CFAP95: variants seen among roughly 807,000 people sequenced by gnomAD.
CFAP95 encodes cilia and flagella associated protein 95.
the CFAP95 span, among the ~76,000 whole-genome samples, chr9:69,854,818 C>T: frequency 6.6e-6 from 1 of 152,200 alleles, no homozygotes; most frequent in South Asian, 2.1e-4. Flanking sequence ...GGCTGGGTTT[C>T]TGTTATGAAA....
chr9:69,858,578 T>G, the CFAP95 span, among the ~76,000 whole-genome samples: 1 of 152,148 alleles, frequency 6.6e-6, no homozygotes, highest in Non-Finnish European at 1.5e-5. Flanking sequence ...TGAGTTGCAG[T>G]GTTGTTGGTC....
At chr9:69,867,192 G>A in the CFAP95 span, among the ~76,000 whole-genome samples, 5 of 152,116 alleles carry the variant, frequency 3.3e-5, no homozygotes, top group Admixed American at 6.6e-5. Context: ...TTTTAATGGC[G>A]GGTAACAATA....
the CFAP95 span, among the ~76,000 whole-genome samples, chr9:69,855,624 A>G: frequency 1.3e-5 from 2 of 152,160 alleles, no homozygotes; most frequent in Admixed American, 1.3e-4. Flanking sequence ...CAGTGCTCTG[A>G]GAAGCCAAGG....
chr9:69,843,624 CT>C, the CFAP95 span, among the ~76,000 whole-genome samples: 1 of 63,308 alleles, frequency 1.6e-5, no homozygotes, highest in African/African-American at 9.3e-5. Flanking sequence ...TCTTCTTCTT[CT>C]TCTTCCTCCT....
the CFAP95 span, among the ~76,000 whole-genome samples, chr9:69,887,391 G>A: frequency 6.6e-6 from 1 of 152,278 alleles, no homozygotes; most frequent in South Asian, 2.1e-4. Context: ...CAGTAGACAT[G>A]AGATAGAAAT....
the CFAP95 span, among the ~76,000 whole-genome samples, chr9:69,869,611 G>A: frequency 5.3e-5 from 8 of 151,874 alleles, no homozygotes; most frequent in South Asian, 1.2e-3. Context: ...TGTTCTTATC[G>A]CAAAAAAGGT....
the CFAP95 span, among the ~76,000 whole-genome samples, chr9:69,901,999 G>T: frequency 6.6e-6 from 1 of 152,100 alleles, no homozygotes; most frequent in African/African-American, 2.4e-5. Flanking sequence ...TTTGAGAAGT[G>T]TCTGTTCATA....
At chr9:69,843,557 CCTTCTTCTT>C in the CFAP95 span, among the ~76,000 whole-genome samples, 114 of 14,696 alleles carry the variant, frequency 7.8e-3, 4 homozygotes, top group East Asian at 0.018. Context: ...TCCTCCTCCT[CCTTCTTCTT>C]CTTCTTCTTC....
chr9:69,893,149 C>T, the CFAP95 span, among the ~76,000 whole-genome samples: 1 of 152,148 alleles, frequency 6.6e-6, no homozygotes, highest in South Asian at 2.1e-4. Context: ...CATGGGCAAC[C>T]CCTAGGCGCT....
At chr9:69,868,605 C>T in the CFAP95 span, among the ~76,000 whole-genome samples, 445 of 148,266 alleles carry the variant, frequency 3.0e-3, no homozygotes, top group Non-Finnish European at 5.3e-3. Context: ...TTGCAGTGAG[C>T]TGAGATCATG....
the CFAP95 span, among the ~76,000 whole-genome samples, chr9:69,855,093 A>G: frequency 3.9e-5 from 6 of 152,206 alleles, no homozygotes; most frequent in African/African-American, 1.4e-4. Flanking sequence ...ACCATGATTA[A>G]TATTAATACA....
At chr9:69,824,885 T>C in the CFAP95 span, among the ~76,000 whole-genome samples, 1 of 152,220 alleles carries the variant, frequency 6.6e-6, no homozygotes, top group Non-Finnish European at 1.5e-5. Flanking sequence ...GGCAAGTTTA[T>C]AGAATATAAA....
At chr9:69,876,784 G>A in the CFAP95 span, among the ~76,000 whole-genome samples, 22 of 152,000 alleles carry the variant, frequency 1.4e-4, no homozygotes, top group South Asian at 1.0e-3. Context: ...ACAGGCACCC[G>A]CCAGCACGCC....
the CFAP95 span, among the ~76,000 whole-genome samples, chr9:69,843,764 C>T: frequency 3.9e-4 from 59 of 150,656 alleles, no homozygotes; most frequent in Middle Eastern, 3.4e-3. Flanking sequence ...GCCCAGCCTC[C>T]CGTGTAGCTG....
At chr9:69,882,874 A>G in the CFAP95 span, among the ~76,000 whole-genome samples, 1 of 152,142 alleles carries the variant, frequency 6.6e-6, no homozygotes, top group Non-Finnish European at 1.5e-5. Context: ...GGATTTGTGC[A>G]TCAATATTCA....
At chr9:69,841,226 G>A in the CFAP95 span, among the ~76,000 whole-genome samples, 2 of 119,968 alleles carry the variant, frequency 1.7e-5, no homozygotes, top group East Asian at 2.6e-4. Flanking sequence ...TATTTTGTAG[G>A]CCTCTAGAAG....
chr9:69,840,954 G>A, the CFAP95 span, among the ~76,000 whole-genome samples: 2 of 151,636 alleles, frequency 1.3e-5, no homozygotes, highest in African/African-American at 4.8e-5. Context: ...GCTATCTAAG[G>A]TTGCTATAGG....
the CFAP95 span, among the ~76,000 whole-genome samples, chr9:69,827,428 C>T: frequency 6.6e-6 from 1 of 152,122 alleles, no homozygotes; most frequent in Non-Finnish European, 1.5e-5. Context: ...TCAAACATGC[C>T]AATTAAAGCT....
the CFAP95 span, among the ~76,000 whole-genome samples, chr9:69,846,490 C>T: frequency 2.0e-5 from 3 of 152,154 alleles, no homozygotes; most frequent in Non-Finnish European, 4.4e-5. Context: ...ATCTTAATAG[C>T]AATTTACATT....
Sources: gnomAD v4.1 joint callset for allele counts (sites outside exome capture counted in the v4.1 genomes callset) on GRCh38, gnomAD v4.1.1 for gene constraint, MANE v1.5 for transcripts, NCBI Gene and HGNC (gene_info 2026-07-23, HGNC 2026-07-21) for gene names.